The following VIPAS39 variants were observed in gnomAD, a reference collection of about 807,000 sequenced individuals.
VIPAS39 encodes spermatogenesis-defective protein 39 homolog.
In VIPAS39, 63 loss-of-function variants were observed where a neutral mutation model predicts 84.7. That is an observed-to-expected ratio of 0.74 (90% CI 0.61 to 0.92). The LOEUF (loss-of-function observed/expected upper bound fraction) is 0.92, where lower values mean the gene tolerates loss of function less well. Ranked by LOEUF, VIPAS39 falls within the 40% of genes least tolerant of loss-of-function variation. The pLI, the probability that VIPAS39 is intolerant of heterozygous loss-of-function variation, is 0.00. For synonymous variants in VIPAS39, 192 were observed against 216.5 expected (o/e 0.89, Z 0.99); for missense variants, 499 against 604.5 (o/e 0.83, Z 1.83).
At chr14:77,445,939 CA>C (rs35123201) in intron 7 of VIPAS39, among the ~76,000 whole-genome samples, 30,773 of 99,948 alleles carry the variant, frequency 0.31, 3,568 homozygotes, top group Middle Eastern at 0.4. Flanking sequence ...GACTCCATCT[CA>C]AAAAAAAAAA....
chr14:77,429,476 G>A (rs1175803396), intron 17 of VIPAS39, among the ~76,000 whole-genome samples: 1 of 146,244 alleles, frequency 6.8e-6, no homozygotes, highest in Non-Finnish European at 1.5e-5. Context: ...GCTACTCAGA[G>A]AGGACAGTTT....
chr14:77,451,286 G>A lies in VIPAS39; in HGVS notation c.244C>T (p.His82Tyr). ...RETAGNSGST[H>Y]EGREQLKSRN... The stretch of plus-strand genomic sequence containing the variant: ...CTCTTTAGCTGTTCACGCCCCTCGT[G>A]GGTTGAGCCGCTATTACCAGCAGTC... Residue 82 changes from histidine (H) to tyrosine (Y), a missense_variant, in exon 4 of 20, where the codon CAC (histidine) becomes TAC (tyrosine). By Grantham distance (83) the His-to-Tyr change is moderately conservative (BLOSUM62 2). Transcript: ENST00000557658. The A allele has an allele frequency of 3.7e-6, 6 of 1,614,196 alleles. No individual in the cohort carries two copies. The highest frequency in any genetic ancestry group is 4.2e-6 in the Non-Finnish European group (5 of 1,180,040).
rs1482527066 is a variant in VIPAS39, at chr14:77,426,884, AAG to A, written c.*730_*731del. ...CCTGGTGAAATGAGATTTTTGCATA[AAG>A]AGAGAGCTCTCCAGCACTGCTGCAT... On this transcript the variant is annotated 3_prime_UTR_variant, in exon 20 of 20. Coordinates refer to ENST00000557658, the MANE Select transcript of VIPAS39 (RefSeq NM_001193315.2). 3 of 152,208 alleles carry A rather than the reference AAG, an allele frequency of 2.0e-5. No homozygotes were observed. Among genetic ancestry groups the A allele is most frequent in the African/African-American group, 7.2e-5 (3 of 41,440 alleles). The allele number at this position is 152,208 out of a possible 1,614,324, so 9.4% of individuals were successfully genotyped here. A position where few individuals can be genotyped will look rare whatever the true frequency, so the allele number is the denominator to read the frequency against.
intron 18 of VIPAS39, among the ~76,000 whole-genome samples, 196 bp downstream of exon 18, chr14:77,428,808 AAC>A (rs1242831047): frequency 6.6e-5 from 10 of 152,196 alleles, no homozygotes; most frequent in African/African-American, 2.4e-4. Context: ...AGTTTATAAA[AAC>A]ACAGAGAAAG....
In VIPAS39 at chr14:77,449,541, G is replaced by A. The variant is rs146664790; in HGVS notation, c.382+173C>T. On this transcript the variant is annotated intron_variant, in intron 5 of 19. Coordinates refer to ENST00000557658, the MANE Select transcript of VIPAS39 (RefSeq NM_001193315.2). Reference sequence around the variant, plus strand: ...CCTAGAAGTCACCTTTGCCCCTGTAGCTAGAATGATTTCTACCTCCTTAGT... The same window carrying A: ...CCTAGAAGTCACCTTTGCCCCTGTAACTAGAATGATTTCTACCTCCTTAGT... Among the ~76,000 whole-genome samples, 125 of 152,286 alleles carry A rather than the reference G, an allele frequency of 8.2e-4. 2 individuals are homozygous for A. In the East Asian group the frequency reaches 0.018, roughly 22 times the overall value.
At chr14:77,457,338 G>A in intron 1 of VIPAS39, 157 bp downstream of exon 1, 1 of 1,535,650 alleles carries the variant, frequency 6.5e-7, no homozygotes, top group Non-Finnish European at 8.7e-7. Context: ...AGTCCCAAGC[G>A]TACTCCAGCG....
In VIPAS39 at chr14:77,427,487, T is replaced by C; in HGVS notation, c.*129A>G. ...AGTCTGAAGTTATCTGTGTCAAGAG[T>C]AGCTGGCACTGCCCATGGGTAATGG... On this transcript the variant is annotated 3_prime_UTR_variant, in exon 20 of 20. Transcript: ENST00000557658. 9.3e-7 allele frequency: 1 copy of C among 1,074,056 alleles called. No individual in the cohort carries two copies. The highest frequency in any genetic ancestry group is 2.4e-5 in the East Asian group (1 of 41,170). The allele number at this position is 1,074,056 out of a possible 1,614,324, so 66.5% of individuals were successfully genotyped here.
rs150375945 is a variant in VIPAS39 at position 77,451,116 on chromosome 14, G to C, written c.343+71C>G. On this transcript the variant is annotated intron_variant, in intron 4 of 19. Coordinates refer to ENST00000557658, the MANE Select transcript of VIPAS39 (RefSeq NM_001193315.2). ...ATAATCTTTTTCTTACAAAGTAAAT[G>C]AAAATTATGGCCTAAGATTTTTCTG... 2,090 of 1,605,840 alleles carry C rather than the reference G, an allele frequency of 1.3e-3. 10 individuals carry two copies. The highest frequency in any genetic ancestry group is 4.0e-3 in the Middle Eastern group (23 of 5,730).
intron 16 of VIPAS39, among the ~76,000 whole-genome samples, chr14:77,430,257 CAACA>C (rs1446763275): frequency 6.6e-6 from 1 of 152,044 alleles, no homozygotes; most frequent in Admixed American, 6.5e-5. Context: ...TTGATTTTGA[CAACA>C]GACACATATT....
At chr14:77,444,495 T>C (rs368520241) in intron 7 of VIPAS39, among the ~76,000 whole-genome samples, 154 bp from the exon 8 acceptor site, 1 of 152,328 alleles carries the variant, frequency 6.6e-6, no homozygotes, top group African/African-American at 2.4e-5. Context: ...ATAAAACAGT[T>C]GGCTCCCACC....
Position 77,435,880 on chromosome 14 carries a change from G to A in VIPAS39, c.876C>T (p.Asp292=). Residue 292 remains aspartate, a synonymous_variant, in exon 13 of 20, where the codon GAC becomes GAT. Transcript: ENST00000557658. The part of the protein sequence containing the change: ...FSAEDSAHIQ[D]HYTLLERQII... The stretch of plus-strand genomic sequence containing the variant: ...TCTGACGTTCCAGGAGCGTGTAATG[G>A]TCCTGTATGTGTGCGGAATCTTCTG... The A allele has an allele frequency of 6.2e-7, 1 of 1,614,172 alleles. No homozygotes were observed. The highest frequency in any genetic ancestry group is 8.5e-7 in the Non-Finnish European group (1 of 1,180,014).
Position 77,427,010 on chromosome 14 carries a change from A to T in VIPAS39, c.*606T>A, listed in dbSNP as rs2078441860. 1.3e-5 allele frequency: 2 copies of T among 153,800 alleles called. No individual in the cohort carries two copies. The highest frequency in any genetic ancestry group is 6.4e-5 in the Admixed American group (1 of 15,616). The allele number at this position is 153,800 out of a possible 1,614,324, so 9.5% of individuals were successfully genotyped here. A position where few individuals can be genotyped will look rare whatever the true frequency, so the allele number is the denominator to read the frequency against. Reference sequence around the variant, plus strand: ...GCAAGGTCGTCTGTGTTCAAGTGAGAGAAGAACCTTAGGGTTTTGGACAGA... The same window carrying T: ...GCAAGGTCGTCTGTGTTCAAGTGAGTGAAGAACCTTAGGGTTTTGGACAGA... On this transcript the variant is annotated 3_prime_UTR_variant, in exon 20 of 20. Coordinates refer to ENST00000557658, the MANE Select transcript of VIPAS39 (RefSeq NM_001193315.2).
chr14:77,434,140 C>T, intron 15 of VIPAS39, 122 bp downstream of exon 15: 1 of 1,247,036 alleles, frequency 8.0e-7, no homozygotes, highest in Admixed American at 1.7e-5. Flanking sequence ...TTCCCAAACT[C>T]ATTCCTTTCC....
Position 77,434,126 on chromosome 14 carries a change from C to G in VIPAS39, c.1089+136G>C, listed in dbSNP as rs1348119966. On this transcript the variant is annotated intron_variant, in intron 15 of 19. Transcript: ENST00000557658. ...TGCTATAGGCCATTCAGTCTTCTCTCACTTTCCCAAACTCATTCCTTTCCA... is the reference window on the plus strand; with the variant it reads ...TGCTATAGGCCATTCAGTCTTCTCTGACTTTCCCAAACTCATTCCTTTCCA... The G allele has an allele frequency of 2.5e-6, 3 of 1,197,572 alleles. No homozygotes were observed. In the African/African-American group the frequency reaches 4.5e-5, roughly 18 times the overall value. The allele number at this position is 1,197,572 out of a possible 1,614,324, so 74.2% of individuals were successfully genotyped here. A position where few individuals can be genotyped will look rare whatever the true frequency, so the allele number is the denominator to read the frequency against.
chr14:77,453,213 T>G, intron 3 of VIPAS39, 86 bp downstream of exon 3: 2 of 1,311,702 alleles, frequency 1.5e-6, no homozygotes, highest in Non-Finnish European at 2.2e-6. Flanking sequence ...CTCTCCTAAC[T>G]AGCATTGAAG....
In VIPAS39 at chr14:77,443,974, G is replaced by A. The variant is rs563884757; in HGVS notation, c.597+275C>T. The stretch of plus-strand genomic sequence containing the variant: ...GAGGATCACTTAAGCTCAGGAGGTC[G>A]AGGCTACAGCGAGCCATCATCACAC... On this transcript the variant is annotated intron_variant, in intron 8 of 19. Transcript: ENST00000557658. 3.3e-5 allele frequency among the ~76,000 whole-genome samples: 5 copies of A among 149,930 alleles called. No homozygotes were observed. The East Asian group carries it at 5.9e-4, about 18-fold the overall frequency.
chr14:77,442,686 T>C (rs764078341), intron 9 of VIPAS39, 24 bp from the exon 10 acceptor site: 9 of 1,608,082 alleles, frequency 5.6e-6, no homozygotes, highest in South Asian at 1.1e-5. Context: ...AGGAGTTAAG[T>C]TGAGAAAGAT....
In VIPAS39 at chr14:77,449,360, GA is replaced by G; in HGVS notation, c.383-4del. The G allele has an allele frequency of 6.2e-7, 1 of 1,614,172 alleles. No individual in the cohort carries two copies. The highest frequency in any genetic ancestry group is 8.5e-7 in the Non-Finnish European group (1 of 1,180,036). On this transcript the variant is annotated splice_polypyrimidine_tract_variant and splice_region_variant and intron_variant, in intron 5 of 19. Transcript: ENST00000557658. ...TTTGGCAGGTGTGTCTGACAGAGCT[GA>G]AAAAGAATAAGCAGCTGGTTCAGAA...
intron 10 of VIPAS39, among the ~76,000 whole-genome samples, chr14:77,441,891 C>A (rs913286210): frequency 6.6e-6 from 1 of 152,188 alleles, no homozygotes; most frequent in African/African-American, 2.4e-5. Flanking sequence ...ATAGTCCCCA[C>A]TGACTGGAAT....
Sources: allele counts gnomAD v4.1 joint callset (sites outside exome capture counted in the v4.1 genomes callset), GRCh38; gene constraint gnomAD v4.1.1; transcripts MANE v1.5; gene names NCBI Gene and HGNC (gene_info 2026-07-23, HGNC 2026-07-21).